Variants in SPTLC1 observed in about 807,000 individuals in gnomAD.
SPTLC1 encodes the protein serine palmitoyltransferase long chain base subunit 1, also known as serine palmitoyltransferase 1.
A neutral mutation model predicts 68.9 loss-of-function variants in SPTLC1; 55 were observed. That is an observed-to-expected ratio of 0.80 (90% CI 0.64 to 1.00). The LOEUF is 1.00. SPTLC1 is among the 50% of genes least tolerant of loss of function. SPTLC1 has a pLI of 0.00. For missense variants in SPTLC1, 449 were observed against 573.1 expected, an observed-to-expected ratio of 0.78 and a Z score of 2.21; for synonymous variants, 197 against 201.6, an observed-to-expected ratio of 0.98 and a Z score of 0.19.
intron 5 of SPTLC1, chr9:92,079,218 G>C: frequency 2.4e-6 from 1 of 412,242 alleles, no homozygotes; most frequent in Non-Finnish European, 3.9e-6. Context: ...TGGGATTACA[G>C]GTATCCACCA....
intron 12 of SPTLC1, among the ~76,000 whole-genome samples, chr9:92,042,314 G>A (rs1015415033): frequency 6.6e-6 from 1 of 152,064 alleles, no homozygotes; most frequent in Non-Finnish European, 1.5e-5. Context: ...AAAAGCATTA[G>A]GAAGGAAAGA....
rs140075751 is a variant in SPTLC1, at chr9:92,089,293, A to G, written c.261-8330T>C. On this transcript the variant is annotated intron_variant, in intron 3 of 14. Transcript: ENST00000262554. The stretch of plus-strand genomic sequence containing the variant: ...CTAGGCATGGTGGCGCATGCCTATA[A>G]TACCAGCTACTGGGGAGGCTAAAGC... Among the ~76,000 whole-genome samples, 62 of 152,244 alleles carry G rather than the reference A, an allele frequency of 4.1e-4. 2 individuals are homozygous for G. The East Asian group carries it at 0.011, about 28-fold the overall frequency.
At chr9:92,094,452 A>G (rs1247766712) in intron 3 of SPTLC1, among the ~76,000 whole-genome samples, 1 of 152,242 alleles carries the variant, frequency 6.6e-6, no homozygotes, top group African/African-American at 2.4e-5. Flanking sequence ...ATGTAAGTCA[A>G]GACATTCCTA....
chr9:92,036,768 A>T (rs1833153804), intron 13 of SPTLC1, among the ~76,000 whole-genome samples: 1 of 152,226 alleles, frequency 6.6e-6, no homozygotes, highest in Admixed American at 6.5e-5. Flanking sequence ...TTCCATTTGT[A>T]TGAGAACTCT....
chr9:92,083,474 C>T (rs1834978450), intron 3 of SPTLC1, among the ~76,000 whole-genome samples: 1 of 152,042 alleles, frequency 6.6e-6, no homozygotes, highest in Admixed American at 6.6e-5. Flanking sequence ...GCCAGTTTTC[C>T]CAGCACCATT....
chr9:92,031,505 T>G lies in SPTLC1; in HGVS notation c.*960A>C, dbSNP rs1832964761. ...TAAAGTACTGCTTAAAAATGGTATT[T>G]TTAGTGCTTTCACATCTTTTGTAGA... On this transcript the variant is annotated 3_prime_UTR_variant, in exon 15 of 15. Transcript: ENST00000262554. 6.6e-6 allele frequency: 1 copy of G among 152,192 alleles called. No individual in the cohort carries two copies. Among genetic ancestry groups the G allele is most frequent in the Non-Finnish European group, 1.5e-5 (1 of 68,014 alleles). The allele number at this position is 152,192 out of a possible 1,614,324, so 9.4% of individuals were successfully genotyped here. A position where few individuals can be genotyped will look rare whatever the true frequency, so the allele number is the denominator to read the frequency against.
chr9:92,081,325 T>A (rs1223910817), intron 3 of SPTLC1, among the ~76,000 whole-genome samples: 1 of 151,900 alleles, frequency 6.6e-6, no homozygotes, highest in Non-Finnish European at 1.5e-5. Context: ...AGGAAGAAAA[T>A]ATAAAATAAG....
intron 3 of SPTLC1, among the ~76,000 whole-genome samples, chr9:92,083,583 C>G (rs1564105932): frequency 1.3e-5 from 2 of 152,302 alleles, no homozygotes; most frequent in East Asian, 1.9e-4. Context: ...GGGCTCTGTT[C>G]TGTTCCATTG....
At position 92,115,357 on chromosome 9, in the gene SPTLC1, G is replaced by C. The variant is rs899643779; in HGVS notation, c.14C>G (p.Thr5Arg). 6.2e-7 allele frequency: 1 copy of C among 1,612,914 alleles called. No individual in the cohort carries two copies. Among genetic ancestry groups the C allele is most frequent in the African/African-American group, 1.3e-5 (1 of 74,940 alleles). The part of the protein sequence containing the change: MATA[T>R]EQWVLVEMVQ... ...CATCTCCACCAGAACCCACTGCTCC[G>C]TGGCGGTCGCCATAGTTAGCCGCTT... The change falls in exon 1 of 15, where the codon ACG becomes AGG. Residue 5 changes from threonine (T) to arginine (R), a missense_variant. Coordinates refer to ENST00000262554, the MANE Select transcript of SPTLC1 (RefSeq NM_006415.4).
intron 6 of SPTLC1, among the ~76,000 whole-genome samples, chr9:92,063,011 GAAAT>G (rs541037857): frequency 1.1e-3 from 168 of 152,054 alleles, no homozygotes; most frequent in African/African-American, 3.9e-3. Flanking sequence ...CAGAAGGCAG[GAAAT>G]AATAGGAGAA....
intron 3 of SPTLC1, among the ~76,000 whole-genome samples, chr9:92,102,986 C>G (rs2118794285): frequency 6.6e-6 from 1 of 152,336 alleles, no homozygotes; most frequent in East Asian, 1.9e-4. Context: ...GTTGACCGAG[C>G]TGGCATGCTC....
intron 3 of SPTLC1, among the ~76,000 whole-genome samples, chr9:92,099,765 A>G (rs1335437101): frequency 1.3e-5 from 2 of 152,150 alleles, no homozygotes; most frequent in Non-Finnish European, 2.9e-5. Flanking sequence ...TGCAGGCATG[A>G]GCCATCATGC....
At chr9:92,057,408 ATT>A (rs1833933089) in intron 7 of SPTLC1, among the ~76,000 whole-genome samples, 1 of 152,222 alleles carries the variant, frequency 6.6e-6, no homozygotes, top group Non-Finnish European at 1.5e-5. Flanking sequence ...GTATCTGCCC[ATT>A]TGCCTTCCAG....
In SPTLC1 at chr9:92,059,059, C is replaced by G; in HGVS notation, c.690+120G>C. The G allele has an allele frequency of 3.4e-6, 4 of 1,182,438 alleles. No individual in the cohort carries two copies. The South Asian group carries it at 4.1e-5, about 12-fold the overall frequency. The allele number at this position is 1,182,438 out of a possible 1,614,324, so 73.2% of individuals were successfully genotyped here. ...ACCAAGTACATTTAATAAGCAGGAACACCTTAATATCCAAATGTGATCCAC... is the reference window on the plus strand; with the variant it reads ...ACCAAGTACATTTAATAAGCAGGAAGACCTTAATATCCAAATGTGATCCAC... On this transcript the variant is annotated intron_variant, in intron 7 of 14. Transcript: ENST00000262554.
At chr9:92,039,520 A>G (rs1460457089) in intron 12 of SPTLC1, among the ~76,000 whole-genome samples, 3 of 152,114 alleles carry the variant, frequency 2.0e-5, no homozygotes, top group Non-Finnish European at 4.4e-5. Context: ...GGTTCATTTA[A>G]AGTCTATTTT....
chr9:92,041,500 A>C (rs568794531), intron 12 of SPTLC1, among the ~76,000 whole-genome samples: 1 of 152,336 alleles, frequency 6.6e-6, no homozygotes, highest in African/African-American at 2.4e-5. Flanking sequence ...ACTATTCCCA[A>C]ACCAAAGGCC....
intron 4 of SPTLC1, among the ~76,000 whole-genome samples, 169 bp downstream of exon 4, chr9:92,080,698 CCTG>C (rs1282278345): frequency 2.0e-5 from 3 of 152,134 alleles, no homozygotes; most frequent in Non-Finnish European, 4.4e-5. Context: ...GCCACCATGC[CCTG>C]CTAATTTTTG....
At chr9:92,058,443 T>C (rs928046357) in intron 7 of SPTLC1, among the ~76,000 whole-genome samples, 3 of 152,232 alleles carry the variant, frequency 2.0e-5, no homozygotes, top group Admixed American at 6.5e-5. Context: ...CATCATGGTG[T>C]CCTGCTCAGA....
intron 3 of SPTLC1, chr9:92,105,548 G>A (rs1233307142): frequency 6.2e-5 from 36 of 580,774 alleles, no homozygotes; most frequent in Middle Eastern, 4.6e-4. Flanking sequence ...AGTGAGGAGC[G>A]CCTCTGCCCG....
Sources: gnomAD v4.1 joint callset for allele counts (sites outside exome capture counted in the v4.1 genomes callset) on GRCh38, gnomAD v4.1.1 for gene constraint, MANE v1.5 for transcripts, NCBI Gene and HGNC (gene_info 2026-07-23, HGNC 2026-07-21) for gene names.